Variants in PRR12 observed in about 807,000 individuals in gnomAD.
PRR12 encodes the protein proline-rich protein 12.
Under a neutral mutation model 138.0 loss-of-function variants are expected in PRR12, and 12 were observed. That is an observed-to-expected ratio of 0.09 (90% CI 0.06 to 0.14). The LOEUF is 0.14. Among genes scored for constraint, PRR12 ranks in the 10% least tolerant of loss-of-function variants. PRR12 has a pLI of 1.00. For missense variants in PRR12, 2,692 were observed against 2,861.3 expected (o/e 0.94, Z 1.35); for synonymous variants, 1,567 against 1,291.7 (o/e 1.21, Z -4.57).
rs531871142 is a variant in PRR12 at position 49,600,537 on chromosome 19, G to A, written c.4345+599G>A. Among the ~76,000 whole-genome samples, 17 of 151,442 alleles carry A rather than the reference G, an allele frequency of 1.1e-4. 1 individual carries two copies. The South Asian group carries it at 3.1e-3, about 28-fold the overall frequency. On this transcript the variant is annotated intron_variant, in intron 5 of 13. Coordinates refer to ENST00000418929, the MANE Select transcript of PRR12 (RefSeq NM_020719.3). Reference sequence around the variant, plus strand: ...ATGGTGGACCACACCTGTAATCCTAGCACACTTTGGGAGGCTGAGACAGGA... The same window carrying A: ...ATGGTGGACCACACCTGTAATCCTAACACACTTTGGGAGGCTGAGACAGGA...
intron 2 of PRR12, among the ~76,000 whole-genome samples, chr19:49,593,854 T>C (rs2080746540): frequency 6.6e-6 from 1 of 152,198 alleles, no homozygotes; most frequent in Admixed American, 6.5e-5. Context: ...TTTTATCTTA[T>C]TTTGCCCCAT....
At chr19:49,603,819 C>T (rs1036099312) in intron 6 of PRR12, among the ~76,000 whole-genome samples, 3 of 151,958 alleles carry the variant, frequency 2.0e-5, no homozygotes, top group African/African-American at 7.2e-5. Context: ...TATCATTACA[C>T]TTTTTTCTTT....
In PRR12 at chr19:49,599,730, C is replaced by T. The variant is rs1414489440; in HGVS notation, c.4137C>T (p.Ser1379=). ...ELKRNLETLP[S]FSSDEEDSVA... ...AGCGGAACCTCGAGACGCTGCCCTCCTTCTCCTCGGATGAGGAAGACTCTG... is the reference window on the plus strand; with the variant it reads ...AGCGGAACCTCGAGACGCTGCCCTCTTTCTCCTCGGATGAGGAAGACTCTG... The change falls in exon 5 of 14, where the codon TCC becomes TCT. Residue 1379 remains serine (S), a synonymous_variant. Coordinates refer to ENST00000418929, the MANE Select transcript of PRR12 (RefSeq NM_020719.3). This position sits in a 1 kb window ranked among gnomAD's most constrained non-coding sequence, Gnocchi z 5.0. The T allele has an allele frequency of 6.2e-7, 1 of 1,613,652 alleles. No individual in the cohort carries two copies. The highest frequency in any genetic ancestry group is 1.1e-5 in the South Asian group (1 of 91,080).
In PRR12 at chr19:49,622,258, A is replaced by T. The variant is rs1296194370; in HGVS notation, c.5721+636A>T. Among the ~76,000 whole-genome samples, 7 of 152,136 alleles carry T rather than the reference A, an allele frequency of 4.6e-5. No homozygotes were observed. The East Asian group carries it at 1.3e-3, about 29-fold the overall frequency. ...GGGATAGGCTATTAGGCTGGTGCTGAGATGGCTGGTGGGAAGTTAGTCTTA... is the reference window on the plus strand; with the variant it reads ...GGGATAGGCTATTAGGCTGGTGCTGTGATGGCTGGTGGGAAGTTAGTCTTA... On this transcript the variant is annotated intron_variant, in intron 11 of 13. Transcript: ENST00000418929.
At position 49,620,394 on chromosome 19, in the gene PRR12, G is replaced by T; in HGVS notation, c.5540G>T (p.Arg1847Leu). The change falls in exon 10 of 14, where the codon CGG (arginine) becomes CTG (leucine). Residue 1847 changes from arginine to leucine, a missense_variant. Transcript: ENST00000418929. ...CGTCTGCTCAAAACCAGGGCGATGCGGGAGATGTACCGGAGCTACGTGGAG... is the reference window on the plus strand; with the variant it reads ...CGTCTGCTCAAAACCAGGGCGATGCTGGAGATGTACCGGAGCTACGTGGAG... Reference protein sequence around the residue: ...PGRLLKTRAMREMYRSYVEML... With the variant: ...PGRLLKTRAMLEMYRSYVEML... The T allele has an allele frequency of 6.2e-7, 1 of 1,612,202 alleles. No individual in the cohort carries two copies. The highest frequency in any genetic ancestry group is 8.5e-7 in the Non-Finnish European group (1 of 1,179,230).
chr19:49,603,589 G>A (rs1247881889), intron 6 of PRR12, among the ~76,000 whole-genome samples: 1 of 152,104 alleles, frequency 6.6e-6, no homozygotes, highest in African/African-American at 2.4e-5. Flanking sequence ...CTACTCGGGA[G>A]GCTGAGGAAG....
At chr19:49,610,594 G>C (rs2080861029) in intron 6 of PRR12, among the ~76,000 whole-genome samples, 1 of 137,542 alleles carries the variant, frequency 7.3e-6, no homozygotes, top group Non-Finnish European at 1.5e-5. Context: ...CCAAGCTGGA[G>C]TGCTGTGGCG....
In PRR12 at chr19:49,596,295, C is replaced by G; in HGVS notation, c.1960C>G (p.Arg654Gly). Residue 654 changes from arginine (R) to glycine (G), a missense_variant, in exon 4 of 14, where the codon CGG (arginine) becomes GGG (glycine). Arg to Gly is a moderately radical substitution (Grantham distance 125). Around this residue, in one of 11 missense-constraint regions of PRR12, gnomAD observed 840 missense variants for 689.8 expected, o/e 1.22. Transcript: ENST00000418929. This position sits in a 1 kb window ranked among gnomAD's most constrained non-coding sequence, Gnocchi z 5.6. ...CCTCTTGCAGGCGCCCAGCCCTCCT[C>G]GGACCTCAGGGGCGGACGGCTTGGT... ...QHLLQAPSPP[R>G]TSGADGLVGE... is the part of the protein sequence containing the mutation. 1.2e-6 allele frequency: 2 copies of G among 1,611,282 alleles called. No individual in the cohort carries two copies. The highest frequency in any genetic ancestry group is 1.3e-5 in the African/African-American group (1 of 75,004).
At chr19:49,610,009 T>G (rs2080857754) in intron 6 of PRR12, among the ~76,000 whole-genome samples, 1 of 152,028 alleles carries the variant, frequency 6.6e-6, no homozygotes, top group Non-Finnish European at 1.5e-5. Flanking sequence ...AGTCTCGCTC[T>G]TGTCCCCCAG....
intron 11 of PRR12, among the ~76,000 whole-genome samples, chr19:49,622,106 C>A (rs950902074): frequency 2.0e-5 from 3 of 152,134 alleles, no homozygotes; most frequent in Admixed American, 6.6e-5. Flanking sequence ...ACTGAGAATT[C>A]CGGGATAGAA....
At chr19:49,593,703 C>A (rs1237396214) in intron 2 of PRR12, among the ~76,000 whole-genome samples, 1 of 152,180 alleles carries the variant, frequency 6.6e-6, no homozygotes, top group African/African-American at 2.4e-5. Context: ...ACCTTCTCTT[C>A]CAGGCTTTTC....
At chr19:49,610,355 A>C (rs1462238036) in intron 6 of PRR12, among the ~76,000 whole-genome samples, 1 of 152,084 alleles carries the variant, frequency 6.6e-6, no homozygotes, top group East Asian at 1.9e-4. Context: ...TGCTTACACC[A>C]CATGTCTTAG....
intron 6 of PRR12, among the ~76,000 whole-genome samples, chr19:49,607,888 G>C (rs907021774): frequency 6.6e-6 from 1 of 150,886 alleles, no homozygotes; most frequent in Non-Finnish European, 1.5e-5. Flanking sequence ...GCGTGGGGGT[G>C]GGCACCTGTA....
chr19:49,619,098 CTT>C (rs1408063701), intron 9 of PRR12, among the ~76,000 whole-genome samples: 1 of 152,026 alleles, frequency 6.6e-6, no homozygotes, highest in Non-Finnish European at 1.5e-5. Flanking sequence ...TGGATACCCT[CTT>C]TTGGAAACCA....
rs1423286785 is a variant in PRR12 at position 49,596,906 on chromosome 19, T to G, written c.2571T>G (p.His857Gln). Residue 857 changes from histidine (H) to glutamine (Q), a missense_variant, in exon 4 of 14, where the codon CAT (histidine) becomes CAG (glutamine). Around this residue, in one of 11 missense-constraint regions of PRR12, gnomAD observed 840 missense variants for 689.8 expected, o/e 1.22. Coordinates refer to ENST00000418929, the MANE Select transcript of PRR12 (RefSeq NM_020719.3). This position sits in a 1 kb window ranked among gnomAD's most constrained non-coding sequence, Gnocchi z 5.6. ...PLQLEAHLRS[H>Q]GLEPAAPSPR... The stretch of plus-strand genomic sequence containing the variant: ...AGCTCGAGGCCCACCTCCGCAGCCA[T>G]GGCCTGGAGCCCGCGGCCCCCAGCC... 2.3e-6 allele frequency: 3 copies of G among 1,302,748 alleles called. No individual in the cohort carries two copies. The highest frequency in any genetic ancestry group is 3.0e-6 in the Non-Finnish European group (3 of 998,458). 80.7% of individuals were successfully genotyped at this position (1,302,748 alleles called of 1,614,324 possible).
chr19:49,592,458 C>T (rs1335562441), intron 1 of PRR12, among the ~76,000 whole-genome samples: 2 of 152,120 alleles, frequency 1.3e-5, no homozygotes, highest in Non-Finnish European at 2.9e-5. Flanking sequence ...TGTGTCTGAG[C>T]GTGGGCCCTG....
rs759615366 is a variant in PRR12, at chr19:49,616,027, C to T, written c.5305C>T (p.Arg1769Trp). Residue 1769 changes from arginine to tryptophan, a missense_variant, in exon 9 of 14, where the codon CGG becomes TGG. Physicochemically the swap from Arg to Trp is moderately radical, Grantham distance 101 (BLOSUM62 -3). This residue lies in a region of PRR12 where 259 missense variants were observed against 265.1 expected (regional missense o/e 0.98). Coordinates refer to ENST00000418929, the MANE Select transcript of PRR12 (RefSeq NM_020719.3). The surrounding 1 kb of genome is among the most constrained non-coding windows in gnomAD (Gnocchi z 4.2). ...CAGCGGACGGCAGACACGGCCAGAG[C>T]GGAGTCTCGCCACGGGACAACCTGC... Reference protein sequence around the residue: ...ATSGRQTRPERSLATGQPATS... With the variant: ...ATSGRQTRPEWSLATGQPATS... 55 of 1,554,770 alleles carry T rather than the reference C, an allele frequency of 3.5e-5. No homozygotes were observed. Among genetic ancestry groups the T allele is most frequent in the South Asian group, 2.4e-4 (20 of 84,288 alleles).
In PRR12 at chr19:49,595,951, C is replaced by T. The variant is rs547587920; in HGVS notation, c.1616C>T (p.Pro539Leu). 7.5e-6 allele frequency: 12 copies of T among 1,600,930 alleles called. No individual in the cohort carries two copies. The highest frequency in any genetic ancestry group is 1.7e-5 in the Admixed American group (1 of 59,984). Residue 539 changes from proline to leucine, a missense_variant, in exon 4 of 14, where the codon CCA becomes CTA. Pro to Leu is a moderately conservative substitution (Grantham distance 98). Transcript: ENST00000418929. ...CTCAGCTACAGTACCGGCCATTCCC[C>T]AGCGCTCTCGGGCCATGGGGGTGGC... ...PSLSYSTGHS[P>L]ALSGHGGGWG...
At position 49,591,240 on chromosome 19, in the gene PRR12, A is replaced by AGGC. The variant is rs541946162; in HGVS notation, c.-398_-396dup. 1.7e-4 allele frequency among the ~76,000 whole-genome samples: 22 copies of AGGC among 128,796 alleles called. No individual in the cohort carries two copies. The highest frequency in any genetic ancestry group is 5.3e-4 in the South Asian group (2 of 3,752). 84.5% of individuals were successfully genotyped at this position (128,796 alleles called of 152,430 possible). ...TGCACCGTGAGCGCAGAGGAGGAGGAGGCGGCGGCGGCGGCGGCGAGAGAG... is the reference window on the plus strand; with the variant it reads ...TGCACCGTGAGCGCAGAGGAGGAGGAGGCGGCGGCGGCGGCGGCGGCGAGAGAG... On this transcript the variant is annotated 5_prime_UTR_variant, in exon 1 of 14. Transcript: ENST00000418929.
Sources: gnomAD v4.1 joint callset for allele counts (sites outside exome capture counted in the v4.1 genomes callset) on GRCh38, gnomAD v4.1.1 for gene constraint, gnomAD v4.1.1 regional missense constraint, Gnocchi (gnomAD v3.1) non-coding constraint, MANE v1.5 for transcripts, NCBI Gene and HGNC (gene_info 2026-07-23, HGNC 2026-07-21) for gene names.